Variants in HERC1 observed in about 807,000 individuals in gnomAD.
HERC1 encodes HECT and RLD domain containing E3 ubiquitin protein ligase family member 1, also known as probable E3 ubiquitin-protein ligase HERC1.
A neutral mutation model predicts 554.3 loss-of-function variants in HERC1; 160 were observed. That is an observed-to-expected ratio of 0.29 (90% CI 0.25 to 0.33). HERC1 has a LOEUF of 0.33. Among genes scored for constraint, HERC1 ranks in the 10% least tolerant of loss-of-function variants. The probability of loss-of-function intolerance (pLI) is 1.00; values close to 1 mark genes in which losing one functional copy is unlikely to be tolerated. For missense variants in HERC1, 4,919 were observed against 5,918.5 expected, an observed-to-expected ratio of 0.83 and a Z score of 5.54; for synonymous variants, 2,175 against 2,131.7, an observed-to-expected ratio of 1.02 and a Z score of -0.56.
chr15:63,636,283 T>C, intron 64 of HERC1, 141 bp from the exon 65 acceptor site: 1 of 756,516 alleles, frequency 1.3e-6, no homozygotes, highest in South Asian at 2.1e-5. Context: ...GTTTTTTTTT[T>C]TTTTTTAGAT....
At chr15:63,742,223 A>C (rs577262518) in intron 12 of HERC1, among the ~76,000 whole-genome samples, 1 of 152,264 alleles carries the variant, frequency 6.6e-6, no homozygotes, top group East Asian at 1.9e-4. Flanking sequence ...TGTATTCCTA[A>C]GTATCCTATT....
intron 12 of HERC1, among the ~76,000 whole-genome samples, chr15:63,745,287 CT>C (rs1451429472): frequency 3.3e-5 from 5 of 152,212 alleles, no homozygotes; most frequent in Non-Finnish European, 5.9e-5. Context: ...TCACCTGCCC[CT>C]CTGTCCACTG....
chr15:63,743,263 C>CT (rs71131177), intron 12 of HERC1, among the ~76,000 whole-genome samples: 54,613 of 109,286 alleles, frequency 0.5, 14,722 homozygotes, highest in Non-Finnish European at 0.53. Flanking sequence ...TTTTCTTTTT[C>CT]TTTTTTTTTT....
At chr15:63,682,170 A>G (rs2071512122) in intron 34 of HERC1, among the ~76,000 whole-genome samples, 1 of 152,216 alleles carries the variant, frequency 6.6e-6, no homozygotes, top group Non-Finnish European at 1.5e-5. Context: ...AGTTACACAT[A>G]GTATGAAACA....
chr15:63,678,531 C>A (rs1189229767), intron 36 of HERC1, among the ~76,000 whole-genome samples, 166 bp from the exon 37 acceptor site: 3 of 152,068 alleles, frequency 2.0e-5, no homozygotes, highest in African/African-American at 7.2e-5. Context: ...CACAGACACA[C>A]TGAAGTTAGT....
In HERC1 at chr15:63,613,442, C is replaced by G. The variant is rs545864378; in HGVS notation, c.14095-886G>C. Among the ~76,000 whole-genome samples the G allele has an allele frequency of 3.7e-4, 57 of 152,222 alleles. No individual in the cohort carries two copies. In the South Asian group the frequency reaches 5.8e-3, roughly 16 times the overall value. The stretch of plus-strand genomic sequence containing the variant: ...CCCTACACACAGACTCACCACTGTT[C>G]AAGGTTTGTTTCATAAATACTTCTT... On this transcript the variant is annotated intron_variant, in intron 76 of 77. Coordinates refer to ENST00000443617, the MANE Select transcript of HERC1 (RefSeq NM_003922.4).
intron 25 of HERC1, 118 bp downstream of exon 25, chr15:63,706,662 C>T (rs1160913564): frequency 1.0e-5 from 5 of 495,844 alleles, no homozygotes; most frequent in Non-Finnish European, 1.7e-5. Flanking sequence ...CAAAGACAAT[C>T]ATATCTAAAT....
chr15:63,785,543 C>T (rs1034174250), intron 1 of HERC1, among the ~76,000 whole-genome samples: 5 of 151,918 alleles, frequency 3.3e-5, no homozygotes, highest in Admixed American at 6.6e-5. Flanking sequence ...CCAAGGTGGG[C>T]GGATCACTTG....
At chr15:63,729,973 C>A (rs2074213301) in intron 14 of HERC1, among the ~76,000 whole-genome samples, 1 of 145,264 alleles carries the variant, frequency 6.9e-6, no homozygotes, top group Non-Finnish European at 1.5e-5. Flanking sequence ...TTGCAGTGAG[C>A]CAAGATCACG....
At position 63,756,705 on chromosome 15, in the gene HERC1, C is replaced by A; in HGVS notation, c.1265G>T (p.Gly422Val). 6.2e-7 allele frequency: 1 copy of A among 1,612,122 alleles called. No individual in the cohort carries two copies. The highest frequency in any genetic ancestry group is 8.5e-7 in the Non-Finnish European group (1 of 1,179,212). The change falls in exon 5 of 78, where the codon GGC (glycine) becomes GTC (valine). Residue 422 changes from glycine (G) to valine (V), a missense_variant. Physicochemically the swap from Gly to Val is moderately radical, Grantham distance 109. Around this residue, in one of 11 missense-constraint regions of HERC1, gnomAD observed 744 missense variants for 1,090.0 expected, o/e 0.68. Transcript: ENST00000443617. The surrounding 1 kb of genome is among the most constrained non-coding windows in gnomAD (Gnocchi z 5.0). The stretch of plus-strand genomic sequence containing the variant: ...GCCTTTCCCGCAAGCTCTAACAGAG[C>A]CATCCGTAGAAATGACAAAAGTGCA... Reference protein sequence around the residue: ...QYCTFVISTDGSVRACGKGSY... With the variant: ...QYCTFVISTDVSVRACGKGSY...
At chr15:63,659,627 T>C (rs1595911812) in intron 47 of HERC1, 109 bp downstream of exon 47, 2 of 761,090 alleles carry the variant, frequency 2.6e-6, no homozygotes, top group East Asian at 2.7e-5. Flanking sequence ...TGAGATAATG[T>C]TGAACCATTA....
Position 63,709,511 on chromosome 15 carries a change from T to G in HERC1, c.4585-2680A>C, listed in dbSNP as rs137929537. Among the ~76,000 whole-genome samples, 48 of 152,262 alleles carry G rather than the reference T, an allele frequency of 3.2e-4. No individual in the cohort carries two copies. In the Middle Eastern group the frequency reaches 0.01, roughly 32 times the overall value. On this transcript the variant is annotated intron_variant, in intron 24 of 77. Transcript: ENST00000443617. ...TTCTTCACAACACAGTTGAGGCAAG[T>G]ACAACAGGCATTATTCTCCACTTCA...
At chr15:63,761,860 T>G (rs150014831) in intron 3 of HERC1, among the ~76,000 whole-genome samples, 23 of 152,320 alleles carry the variant, frequency 1.5e-4, no homozygotes, top group African/African-American at 5.5e-4. Flanking sequence ...AAGATATAAA[T>G]GTAAAGGTTA....
Position 63,694,778 on chromosome 15 carries a change from G to A in HERC1, c.5238C>T (p.His1746=), listed in dbSNP as rs373392060. The A allele has an allele frequency of 2.8e-5, 45 of 1,613,788 alleles. No homozygotes were observed. In the African/African-American group the frequency reaches 5.9e-4, roughly 21 times the overall value. Residue 1746 remains histidine, a synonymous_variant, in exon 28 of 78, where the codon CAC becomes CAT. Coordinates refer to ENST00000443617, the MANE Select transcript of HERC1 (RefSeq NM_003922.4). The surrounding 1 kb of genome is among the most constrained non-coding windows in gnomAD (Gnocchi z 4.3). ...LERALQANKH[H]IEAQQRLLLV... is the part of the protein sequence containing the mutation. Reference sequence around the variant, plus strand: ...TTGCAGGAACCGTTTACTTACCAATGTGATGCTTGTTTGCTTGCAGGGCTC... The same window carrying A: ...TTGCAGGAACCGTTTACTTACCAATATGATGCTTGTTTGCTTGCAGGGCTC...
chr15:63,634,399 A>G (rs2068691754), intron 66 of HERC1, among the ~76,000 whole-genome samples: 1 of 152,246 alleles, frequency 6.6e-6, no homozygotes, highest in Non-Finnish European at 1.5e-5. Flanking sequence ...ATTCAGCCAT[A>G]CAACTCAAGG....
intron 4 of HERC1, among the ~76,000 whole-genome samples, chr15:63,757,948 T>C (rs2075485170): frequency 6.6e-6 from 1 of 152,086 alleles, no homozygotes; most frequent in African/African-American, 2.4e-5. Flanking sequence ...GACCTCGTGA[T>C]CCACCTGCCT....
intron 66 of HERC1, 109 bp downstream of exon 66, chr15:63,634,624 T>G: frequency 1.0e-4 from 76 of 748,856 alleles, no homozygotes; most frequent in Non-Finnish European, 1.5e-4. Flanking sequence ...AAAATGTACA[T>G]GAGGTTAGGT....
At chr15:63,678,726 G>A (rs1390245894) in intron 36 of HERC1, among the ~76,000 whole-genome samples, 1 of 152,154 alleles carries the variant, frequency 6.6e-6, no homozygotes, top group African/African-American at 2.4e-5. Context: ...CCAGAATGAT[G>A]AGTCCTGGAC....
chr15:63,715,272 A>G (rs1419841960), intron 22 of HERC1, among the ~76,000 whole-genome samples: 1 of 152,238 alleles, frequency 6.6e-6, no homozygotes. Context: ...CTCTAAAAGC[A>G]TAGCTAGTTT....
Sources: gnomAD v4.1 joint callset for allele counts (sites outside exome capture counted in the v4.1 genomes callset) on GRCh38, gnomAD v4.1.1 for gene constraint, gnomAD v4.1.1 regional missense constraint, Gnocchi (gnomAD v3.1) non-coding constraint, MANE v1.5 for transcripts, NCBI Gene and HGNC (gene_info 2026-07-23, HGNC 2026-07-21) for gene names.